CGNL1: variants seen among roughly 807,000 people sequenced by gnomAD.
CGNL1 encodes cingulin-like protein 1.
In CGNL1, 132 loss-of-function variants were observed where a neutral mutation model predicts 141.2. The observed-to-expected ratio is 0.93, with a 90% CI of 0.81 to 1.08. The LOEUF (loss-of-function observed/expected upper bound fraction) is 1.08, where lower values mean the gene tolerates loss of function less well. Among genes scored for constraint, CGNL1 ranks in the 50% least tolerant of loss-of-function variants. The pLI is 0.00. For synonymous variants in CGNL1, 690 were observed against 622.1 expected (o/e 1.11, Z -1.63); for missense variants, 1,870 against 1,588.6 (o/e 1.18, Z -3.01).
At chr15:57,394,405 G>A (rs927547345) in intron 1 of CGNL1, among the ~76,000 whole-genome samples, 14 of 152,046 alleles carry the variant, frequency 9.2e-5, no homozygotes, top group South Asian at 2.1e-4. Context: ...GATTACAGGC[G>A]TGAACCACCA....
chr15:57,393,752 T>C (rs1052788244), intron 1 of CGNL1, among the ~76,000 whole-genome samples: 3 of 152,132 alleles, frequency 2.0e-5, no homozygotes, highest in Non-Finnish European at 4.4e-5. Flanking sequence ...ATGATCTTAG[T>C]ATATATCCTT....
intron 9 of CGNL1, among the ~76,000 whole-genome samples, chr15:57,517,282 C>G (rs540835599): frequency 2.0e-5 from 3 of 152,342 alleles, no homozygotes; most frequent in Non-Finnish European, 4.4e-5. Context: ...CAGGCATCCA[C>G]CTGAAAGGGC....
chr15:57,510,493 A>G (rs1283231457), intron 8 of CGNL1, among the ~76,000 whole-genome samples: 2 of 152,162 alleles, frequency 1.3e-5, no homozygotes, highest in African/African-American at 4.8e-5. Flanking sequence ...AGGATGGGAC[A>G]TGTGTCTGTG....
intron 18 of CGNL1, 135 bp downstream of exon 18, chr15:57,546,374 A>G (rs573511621): frequency 9.1e-7 from 1 of 1,096,736 alleles, no homozygotes; most frequent in African/African-American, 1.6e-5. Flanking sequence ...CGTATCTTAG[A>G]GATGAAGGTG....
intron 8 of CGNL1, among the ~76,000 whole-genome samples, chr15:57,512,706 T>G (rs564950699): frequency 6.6e-6 from 1 of 152,300 alleles, no homozygotes; most frequent in African/African-American, 2.4e-5. Context: ...TAGGCCCCAA[T>G]CCAGGTTAAA....
At chr15:57,505,089 C>T (rs901870746) in intron 8 of CGNL1, among the ~76,000 whole-genome samples, 1 of 152,104 alleles carries the variant, frequency 6.6e-6, no homozygotes, top group Non-Finnish European at 1.5e-5. Flanking sequence ...GTCTTGCCAA[C>T]AGCATGGCTG....
intron 1 of CGNL1, among the ~76,000 whole-genome samples, chr15:57,388,421 C>T (rs1013955969): frequency 6.6e-6 from 1 of 152,264 alleles, no homozygotes. Context: ...TAGAGGTTGC[C>T]AAGGTGGGCA....
intron 6 of CGNL1, among the ~76,000 whole-genome samples, 175 bp from the exon 7 acceptor site, chr15:57,453,508 G>GTTC (rs1164427513): frequency 6.6e-6 from 1 of 152,176 alleles, no homozygotes; most frequent in Non-Finnish European, 1.5e-5. Flanking sequence ...CATAGCCTAA[G>GTTC]TTCTTCTCAG....
chr15:57,387,469 T>C (rs1237374895), intron 1 of CGNL1, among the ~76,000 whole-genome samples: 1 of 152,234 alleles, frequency 6.6e-6, no homozygotes, highest in African/African-American at 2.4e-5. Flanking sequence ...GAAATGAATG[T>C]GGAATGAAGC....
At chr15:57,431,305 C>T (rs1204766448) in intron 1 of CGNL1, among the ~76,000 whole-genome samples, 1 of 152,070 alleles carries the variant, frequency 6.6e-6, no homozygotes, top group African/African-American at 2.4e-5. Flanking sequence ...AATTGTTTTC[C>T]CAGGGAGTTC....
intron 1 of CGNL1, among the ~76,000 whole-genome samples, chr15:57,434,641 G>A (rs545263736): frequency 7.9e-5 from 12 of 152,222 alleles, no homozygotes; most frequent in Admixed American, 5.9e-4. Context: ...TAAGGGGAAC[G>A]TAAACAGGTC....
chr15:57,499,821 A>T (rs1422245889), intron 8 of CGNL1, among the ~76,000 whole-genome samples: 1 of 152,258 alleles, frequency 6.6e-6, no homozygotes, highest in Non-Finnish European at 1.5e-5. Context: ...ACAAAGAGGA[A>T]TGTGTTTGAC....
At chr15:57,544,339 C>A in intron 15 of CGNL1, 134 bp from the exon 16 acceptor site, 1 of 1,072,490 alleles carries the variant, frequency 9.3e-7, no homozygotes, top group Non-Finnish European at 1.3e-6. Context: ...GGTCTCCAGG[C>A]CACAGGCCCT....
In CGNL1 at chr15:57,516,711, C is replaced by G; in HGVS notation, c.2404-69C>G. 3 of 1,503,266 alleles carry G rather than the reference C, an allele frequency of 2.0e-6. No individual in the cohort carries two copies. In the East Asian group the frequency reaches 7.0e-5, roughly 35 times the overall value. The allele number at this position is 1,503,266 out of a possible 1,614,324, so 93.1% of individuals were successfully genotyped here. Reference sequence around the variant, plus strand: ...CAATGGGTTTTTCATAAATGCCAGCCATTCTTCCAGCCTGGGGACAGCTCC... The same window carrying G: ...CAATGGGTTTTTCATAAATGCCAGCGATTCTTCCAGCCTGGGGACAGCTCC... On this transcript the variant is annotated intron_variant, in intron 8 of 18. Transcript: ENST00000281282.
intron 10 of CGNL1, among the ~76,000 whole-genome samples, chr15:57,521,578 A>C (rs2031256777): frequency 6.6e-6 from 1 of 152,202 alleles, no homozygotes; most frequent in Non-Finnish European, 1.5e-5. Context: ...GCAAGCATAT[A>C]AGAAATAATT....
chr15:57,546,111 G>C lies in CGNL1; in HGVS notation c.3645G>C (p.Val1215=). ...SLRLKAMKRQ[V]EEAEEEIDRL... ...GTTTGAAAGCCATGAAGCGGCAGGT[G>C]GAGGAGGCTGAGGAGGAAATCGACA... Residue 1215 remains valine (V), a synonymous_variant, in exon 18 of 19, where the codon GTG becomes GTC. Transcript: ENST00000281282. 1.2e-6 allele frequency: 2 copies of C among 1,613,934 alleles called. No homozygotes were observed. Among genetic ancestry groups the C allele is most frequent in the South Asian group, 2.2e-5 (2 of 91,046 alleles).
intron 8 of CGNL1, among the ~76,000 whole-genome samples, chr15:57,467,364 G>C (rs1359462645): frequency 6.6e-6 from 1 of 152,164 alleles, no homozygotes; most frequent in African/African-American, 2.4e-5. Flanking sequence ...GATTTTGAGT[G>C]ATGTTTGGGC....
chr15:57,386,240 G>T (rs1229871391), intron 1 of CGNL1, among the ~76,000 whole-genome samples: 1 of 152,204 alleles, frequency 6.6e-6, no homozygotes, highest in East Asian at 1.9e-4. Flanking sequence ...GACATTGGTG[G>T]AGTGGGGCCT....
At chr15:57,538,032 G>A (rs1245792048) in intron 14 of CGNL1, among the ~76,000 whole-genome samples, 1 of 152,200 alleles carries the variant, frequency 6.6e-6, no homozygotes, top group East Asian at 1.9e-4. Context: ...CCCAGGGCAG[G>A]TGCCAGTGTG....
Sources: gnomAD v4.1 joint callset for allele counts (sites outside exome capture counted in the v4.1 genomes callset) on GRCh38, gnomAD v4.1.1 for gene constraint, MANE v1.5 for transcripts, NCBI Gene and HGNC (gene_info 2026-07-23, HGNC 2026-07-21) for gene names.